Variants in CTNNA2 observed in about 807,000 individuals in gnomAD.
CTNNA2 encodes catenin alpha-2.
Under a neutral mutation model 101.0 loss-of-function variants are expected in CTNNA2, and 42 were observed. That is an observed-to-expected ratio of 0.42 (90% confidence interval 0.32 to 0.54). The LOEUF (loss-of-function observed/expected upper bound fraction) is 0.54, where lower values mean the gene tolerates loss of function less well. Among genes scored for constraint, CTNNA2 ranks in the 20% least tolerant of loss-of-function variants. CTNNA2 has a pLI of 0.14. For synonymous variants in CTNNA2, 450 were observed against 456.4 expected, an observed-to-expected ratio of 0.99 and a Z score of 0.18; for missense variants, 871 against 1,223.1, an observed-to-expected ratio of 0.71 and a Z score of 4.29.
chr2:80,449,024 C>T (rs969125427), intron 9 of CTNNA2, among the ~76,000 whole-genome samples: 2 of 151,980 alleles, frequency 1.3e-5, no homozygotes, highest in African/African-American at 4.8e-5. Context: ...CTATGTATCC[C>T]GACATTGATG....
intron 4 of CTNNA2, among the ~76,000 whole-genome samples, chr2:79,445,662 A>C (rs1017911090): frequency 6.6e-6 from 1 of 152,154 alleles, no homozygotes. Flanking sequence ...CTAAAACAGC[A>C]AATGTGAGTG....
rs568004051 is a variant in CTNNA2 at position 79,480,286 on chromosome 2, T to C, written c.-134-24768T>C. On this transcript the variant is annotated intron_variant, in intron 4 of 21. Coordinates refer to the CTNNA2 transcript ENST00000466387. Reference sequence around the variant, plus strand: ...GATGCAAACACCTCTCATTATGCTCTACCTCCAACATTGGGTATTACTTTT... The same window carrying C: ...GATGCAAACACCTCTCATTATGCTCCACCTCCAACATTGGGTATTACTTTT... Among the ~76,000 whole-genome samples the C allele has an allele frequency of 3.9e-5, 6 of 152,316 alleles. No individual in the cohort carries two copies. The East Asian group carries it at 1.2e-3, about 29-fold the overall frequency.
intron 9 of CTNNA2, among the ~76,000 whole-genome samples, chr2:80,467,940 C>T (rs1465574970): frequency 2.0e-5 from 3 of 152,198 alleles, no homozygotes; most frequent in South Asian, 2.1e-4. Context: ...TATAAATTAC[C>T]CTATAGTGTT....
intron 9 of CTNNA2, among the ~76,000 whole-genome samples, chr2:80,473,460 T>G (rs1290983928): frequency 6.6e-6 from 1 of 152,224 alleles, no homozygotes; most frequent in Non-Finnish European, 1.5e-5. Flanking sequence ...TCATTACCTA[T>G]ATATTCTAAT....
chr2:80,238,887 G>A (rs1368823504), intron 7 of CTNNA2, among the ~76,000 whole-genome samples: 3 of 152,198 alleles, frequency 2.0e-5, no homozygotes, highest in East Asian at 3.8e-4. Context: ...CCACCTAGTG[G>A]CAGAATGGGG....
intron 2 of CTNNA2, among the ~76,000 whole-genome samples, chr2:79,288,450 T>A (rs546082028): frequency 6.6e-6 from 1 of 152,212 alleles, no homozygotes; most frequent in Non-Finnish European, 1.5e-5. Flanking sequence ...CTCTCATTGA[T>A]GGAATTCAGG....
chr2:80,490,147 G>A (rs925076578), intron 9 of CTNNA2, among the ~76,000 whole-genome samples: 3 of 151,992 alleles, frequency 2.0e-5, no homozygotes, highest in Non-Finnish European at 4.4e-5. Context: ...AAATTAGAAT[G>A]TCAATTACAA....
At chr2:79,520,105 AT>A (rs1452846844) in intron 1 of CTNNA2, among the ~76,000 whole-genome samples, 1 of 152,178 alleles carries the variant, frequency 6.6e-6, no homozygotes, top group Non-Finnish European at 1.5e-5. Context: ...CATTAAAATT[AT>A]TTTAGTAAAA....
chr2:79,973,248 G>T (rs1436204555), intron 7 of CTNNA2, among the ~76,000 whole-genome samples: 1 of 152,022 alleles, frequency 6.6e-6, no homozygotes, highest in Non-Finnish European at 1.5e-5. Flanking sequence ...ATCAATGGCT[G>T]ATGTTAGCAC....
intron 2 of CTNNA2, among the ~76,000 whole-genome samples, chr2:79,238,054 C>G (rs1185394053): frequency 6.6e-6 from 1 of 152,226 alleles, no homozygotes; most frequent in East Asian, 1.9e-4. Flanking sequence ...AGCTTTCAGC[C>G]TATCTTGGCT....
chr2:79,218,424 C>A (rs1382070383), intron 2 of CTNNA2, among the ~76,000 whole-genome samples: 3 of 151,412 alleles, frequency 2.0e-5, no homozygotes, highest in Admixed American at 2.0e-4. Flanking sequence ...CTCAAGCAGT[C>A]CTCCTGCCTC....
At chr2:79,552,665 ACT>A (rs1287588608) in intron 1 of CTNNA2, among the ~76,000 whole-genome samples, 1 of 151,970 alleles carries the variant, frequency 6.6e-6, no homozygotes, top group African/African-American at 2.4e-5. Context: ...CAACTCTCAC[ACT>A]CTGCACACCC....
At chr2:79,840,996 C>A (rs1215142081) in intron 3 of CTNNA2, among the ~76,000 whole-genome samples, 3 of 152,110 alleles carry the variant, frequency 2.0e-5, no homozygotes, top group South Asian at 2.1e-4. Flanking sequence ...GTCTTGATCT[C>A]CTGACCTCGT....
chr2:79,989,778 G>A (rs1692037731), intron 7 of CTNNA2, among the ~76,000 whole-genome samples: 1 of 152,160 alleles, frequency 6.6e-6, no homozygotes, highest in Non-Finnish European at 1.5e-5. Flanking sequence ...ATGGAAACTG[G>A]ATCAGATCAA....
chr2:80,011,392 A>T (rs389426), intron 7 of CTNNA2, among the ~76,000 whole-genome samples: 1 of 151,984 alleles, frequency 6.6e-6, no homozygotes, highest in Non-Finnish European at 1.5e-5. Flanking sequence ...GGCTTGGCCC[A>T]TAACTGTTTG....
intron 9 of CTNNA2, among the ~76,000 whole-genome samples, chr2:80,522,583 T>C (rs1689663206): frequency 6.6e-6 from 1 of 152,152 alleles, no homozygotes; most frequent in Admixed American, 6.5e-5. Context: ...AAATCTCATG[T>C]TGAATTGTAA....
At chr2:80,333,765 A>T (rs1409075293) in intron 7 of CTNNA2, among the ~76,000 whole-genome samples, 1 of 152,180 alleles carries the variant, frequency 6.6e-6, no homozygotes, top group African/African-American at 2.4e-5. Flanking sequence ...CTGGGATTGC[A>T]GGTGCGCACC....
chr2:79,895,735 G>A (rs1352721265), intron 6 of CTNNA2, among the ~76,000 whole-genome samples: 2 of 133,444 alleles, frequency 1.5e-5, no homozygotes, highest in African/African-American at 5.6e-5. Flanking sequence ...GACTATTTAT[G>A]GGTATCGTAA....
chr2:79,933,610 A>G (rs1373400743), intron 7 of CTNNA2, among the ~76,000 whole-genome samples: 1 of 151,966 alleles, frequency 6.6e-6, no homozygotes, highest in Non-Finnish European at 1.5e-5. Context: ...ACCTGCCACC[A>G]CACCTGACTA....
Sources: allele counts gnomAD v4.1 joint callset (sites outside exome capture counted in the v4.1 genomes callset), GRCh38; gene constraint gnomAD v4.1.1; transcripts MANE v1.5; gene names NCBI Gene and HGNC (gene_info 2026-07-23, HGNC 2026-07-21).